The following GRM4 variants were observed in gnomAD, a reference collection of about 807,000 sequenced individuals.
The protein encoded by GRM4 is metabotropic glutamate receptor 4.
GRM4 carries 28 observed loss-of-function variants against 81.7 expected under a neutral mutation model. The observed-to-expected ratio is 0.34, with a 90% confidence interval of 0.25 to 0.47. GRM4 has a LOEUF of 0.47. Ranked by LOEUF, GRM4 falls within the 20% of genes least tolerant of loss-of-function variation. GRM4 has a pLI of 1.00. For synonymous variants in GRM4, 488 were observed against 528.8 expected, an observed-to-expected ratio of 0.92 and a Z score of 1.06; for missense variants, 948 against 1,290.0, an observed-to-expected ratio of 0.73 and a Z score of 4.06.
chr6:34,088,597 C>G (rs1022182285), intron 3 of GRM4, among the ~76,000 whole-genome samples: 1 of 152,224 alleles, frequency 6.6e-6, no homozygotes, highest in African/African-American at 2.4e-5. Flanking sequence ...GCAATGCAAG[C>G]TGGAGGAGAC....
At position 34,040,271 on chromosome 6, in the gene GRM4, C is replaced by G; in HGVS notation, c.1413G>C (p.Ala471=). 6.2e-7 allele frequency: 1 copy of G among 1,614,158 alleles called. No individual in the cohort carries two copies. Among genetic ancestry groups the G allele is most frequent in the Non-Finnish European group, 8.5e-7 (1 of 1,179,948 alleles). Residue 471 remains alanine (A), a synonymous_variant, in exon 8 of 11, where the codon GCG becomes GCC. Transcript: ENST00000538487. ...NPVTFNENGD[A]PGRYDIYQYQ... ...ATTGGTAGATGTCATAGCGCCCAGG[C>G]GCATCTCCATTCTCATTGAAGGTCA...
chr6:34,109,971 A>G (rs1021418836), intron 2 of GRM4, among the ~76,000 whole-genome samples: 1 of 152,074 alleles, frequency 6.6e-6, no homozygotes, highest in African/African-American at 2.4e-5. Context: ...TTGGTGGTCT[A>G]GGTCCACACA....
In GRM4 at chr6:34,066,139, G is replaced by A. The variant is rs571990281; in HGVS notation, c.737-4111C>T. The stretch of plus-strand genomic sequence containing the variant: ...ACCCTCTGCAGAACCACACGGCAGC[G>A]TCTAGTAAAGCTGAACGTGCCGGCT... On this transcript the variant is annotated intron_variant, in intron 3 of 10. Transcript: ENST00000538487. Among the ~76,000 whole-genome samples the A allele has an allele frequency of 8.5e-5, 13 of 152,258 alleles. No individual in the cohort carries two copies. The East Asian group carries it at 1.4e-3, about 16-fold the overall frequency.
At chr6:34,095,204 G>A (rs2127489013) in intron 2 of GRM4, among the ~76,000 whole-genome samples, 1 of 152,268 alleles carries the variant, frequency 6.6e-6, no homozygotes, top group Admixed American at 6.5e-5. Context: ...TGAGACACTA[G>A]AACAAGGACC....
rs757871136 is a variant in GRM4 at position 34,133,148 on chromosome 6, C to T, written c.349G>A (p.Glu117Lys). The T allele has an allele frequency of 8.1e-6, 13 of 1,613,926 alleles. No individual in the cohort carries two copies. The Admixed American group carries it at 1.2e-4, about 14-fold the overall frequency. Residue 117 changes from glutamate (E) to lysine (K), a missense_variant, in exon 2 of 11, where the codon GAG becomes AAG. Glu to Lys is a moderately conservative substitution (Grantham distance 56). Coordinates refer to ENST00000538487, the MANE Select transcript of GRM4 (RefSeq NM_000841.4). The surrounding 1 kb of genome is among the most constrained non-coding windows in gnomAD (Gnocchi z 6.5). The part of the protein sequence containing the change: ...DTCSRDTHAL[E>K]QSLTFVQALI... ...GCCTGCACAAAGGTCAGCGACTGCT[C>T]GAGGGCATGGGTGTCCCTGGAGCAG...
intron 1 of GRM4, 77 bp downstream of exon 1, chr6:34,145,923 T>A: frequency 4.8e-5 from 37 of 773,200 alleles, no homozygotes; most frequent in Non-Finnish European, 4.9e-5. Flanking sequence ...CAGCTCCCCC[T>A]TCCACCACAC....
chr6:34,135,281 C>A (rs1770415052), intron 1 of GRM4, among the ~76,000 whole-genome samples: 1 of 152,212 alleles, frequency 6.6e-6, no homozygotes, highest in Admixed American at 6.5e-5. Flanking sequence ...CAGAGTCCAG[C>A]CTCAGCTCCT....
chr6:34,095,707 G>C (rs141639295), intron 2 of GRM4, among the ~76,000 whole-genome samples: 1 of 151,918 alleles, frequency 6.6e-6, no homozygotes. Flanking sequence ...CCTCTCTGCC[G>C]GCCCCCTCCC....
In GRM4 at chr6:34,136,627, G is replaced by A. The variant is rs1486560605; in HGVS notation, c.-363-2768C>T. On this transcript the variant is annotated intron_variant, in intron 1 of 10. Coordinates refer to ENST00000538487, the MANE Select transcript of GRM4 (RefSeq NM_000841.4). This position sits in a 1 kb window ranked among gnomAD's most constrained non-coding sequence, Gnocchi z 4.1. ...ACACGGGGAAGGACAGATGCCATGG[G>A]GGAAGGAGGCCTCCAAGAGGAGAAA... Among the ~76,000 whole-genome samples the A allele has an allele frequency of 6.6e-6, 1 of 151,202 alleles. No individual in the cohort carries two copies. Among genetic ancestry groups the A allele is most frequent in the Non-Finnish European group, 1.5e-5 (1 of 67,870 alleles).
At chr6:34,096,785 T>G (rs559346615) in intron 2 of GRM4, among the ~76,000 whole-genome samples, 32 of 152,292 alleles carry the variant, frequency 2.1e-4, no homozygotes, top group Non-Finnish European at 3.2e-4. Context: ...GAAGGATGCA[T>G]GAATAAACCT....
rs369078795 is a variant in GRM4, at chr6:34,114,141, C to T, written c.519+18837G>A. Reference sequence around the variant, plus strand: ...TCCCCTCCTTCACAACTCTCTAGCCCCTGGCCCTGGGCAGGTCCCCTCCAC... The same window carrying T: ...TCCCCTCCTTCACAACTCTCTAGCCTCTGGCCCTGGGCAGGTCCCCTCCAC... On this transcript the variant is annotated intron_variant, in intron 2 of 10. Coordinates refer to ENST00000538487, the MANE Select transcript of GRM4 (RefSeq NM_000841.4). The surrounding 1 kb of genome is among the most constrained non-coding windows in gnomAD (Gnocchi z 4.3). 6.6e-6 allele frequency among the ~76,000 whole-genome samples: 1 copy of T among 152,286 alleles called. No homozygotes were observed. The highest frequency in any genetic ancestry group is 2.4e-5 in the African/African-American group (1 of 41,538).
At chr6:34,040,472 C>G (rs1298450138) in intron 7 of GRM4, 76 bp downstream of exon 7, 2 of 1,466,822 alleles carry the variant, frequency 1.4e-6, no homozygotes, top group African/African-American at 1.4e-5. Context: ...TCCCACCCCA[C>G]AGAGCCTAAG....
intron 6 of GRM4, among the ~76,000 whole-genome samples, chr6:34,043,121 C>T (rs751990531): frequency 5.3e-5 from 8 of 152,284 alleles, no homozygotes; most frequent in Non-Finnish European, 5.9e-5. Context: ...TAGCCAAGGG[C>T]GACAGGATGG....
intron 2 of GRM4, among the ~76,000 whole-genome samples, chr6:34,097,749 A>C (rs1768611792): frequency 6.6e-6 from 1 of 152,208 alleles, no homozygotes; most frequent in Admixed American, 6.5e-5. Context: ...CCCGGAGCAC[A>C]GTCCTCAGGG....
At chr6:34,039,520 C>G (rs930112591) in intron 8 of GRM4, among the ~76,000 whole-genome samples, 4 of 152,170 alleles carry the variant, frequency 2.6e-5, no homozygotes, top group African/African-American at 9.7e-5. Flanking sequence ...AGGAACAAAC[C>G]AAAGGTCCTT....
rs61001139 is a variant in GRM4 at position 34,111,050 on chromosome 6, C to G, written c.520-18951G>C. ...GGGGGCAGCTCCAGACAATCCGTCTCATGCATTTGGATATCAGCTGACAGC... is the reference window on the plus strand; with the variant it reads ...GGGGGCAGCTCCAGACAATCCGTCTGATGCATTTGGATATCAGCTGACAGC... On this transcript the variant is annotated intron_variant, in intron 2 of 10. Transcript: ENST00000538487. This position sits in a 1 kb window ranked among gnomAD's most constrained non-coding sequence, Gnocchi z 5.1. 2,401 of 230,262 alleles carry G rather than the reference C, an allele frequency of 0.01. 16 individuals are homozygous for G. Among genetic ancestry groups the G allele is most frequent in the Middle Eastern group, 0.048 (32 of 662 alleles). The allele number at this position is 230,262 out of a possible 1,614,324, so 14.3% of individuals were successfully genotyped here.
chr6:34,065,798 G>A (rs1416046124), intron 3 of GRM4, among the ~76,000 whole-genome samples: 1 of 152,242 alleles, frequency 6.6e-6, no homozygotes, highest in Non-Finnish European at 1.5e-5. Flanking sequence ...GGCCCAAGTT[G>A]GATGGAGAGT....
chr6:34,132,483 A>C (rs1770281096), intron 2 of GRM4, among the ~76,000 whole-genome samples: 1 of 152,244 alleles, frequency 6.6e-6, no homozygotes, highest in Non-Finnish European at 1.5e-5. Context: ...CAATTATATG[A>C]AAACAGTGTC....
At chr6:34,123,556 T>C (rs779262452) in intron 2 of GRM4, among the ~76,000 whole-genome samples, 3 of 152,100 alleles carry the variant, frequency 2.0e-5, no homozygotes, top group Non-Finnish European at 4.4e-5. Flanking sequence ...GGGTCAGACT[T>C]CTGGAGCCAG....
Sources: allele counts gnomAD v4.1 joint callset (sites outside exome capture counted in the v4.1 genomes callset), GRCh38; gene constraint gnomAD v4.1.1; non-coding constraint Gnocchi (gnomAD v3.1); transcripts MANE v1.5; gene names NCBI Gene and HGNC (gene_info 2026-07-23, HGNC 2026-07-21).